Variants in SLC30A8 observed in about 807,000 individuals in gnomAD.
SLC30A8 encodes proton-coupled zinc antiporter SLC30A8.
SLC30A8 carries 27 observed loss-of-function variants against 36.9 expected under a neutral mutation model. That is an observed-to-expected ratio of 0.73 (90% CI 0.54 to 1.01). SLC30A8 has a LOEUF of 1.01. Ranked by LOEUF, SLC30A8 falls within the 50% of genes least tolerant of loss-of-function variation. The probability of loss-of-function intolerance (pLI) is 0.00; values close to 1 mark genes in which losing one functional copy is unlikely to be tolerated. For missense variants in SLC30A8, 439 were observed against 452.0 expected (o/e 0.97, Z 0.26); for synonymous variants, 164 against 172.4 (o/e 0.95, Z 0.38).
At chr8:117,170,973 GTAATT>G in intron 6 of SLC30A8, 56 bp from the exon 7 acceptor site, 1 of 1,444,474 alleles carries the variant, frequency 6.9e-7, no homozygotes, top group Non-Finnish European at 9.3e-7. Flanking sequence ...GCTTGTTTAG[GTAATT>G]CAATGAGCTG....
chr8:117,057,859 C>T (rs924047961), intron 2 of SLC30A8, among the ~76,000 whole-genome samples: 2 of 152,230 alleles, frequency 1.3e-5, no homozygotes, highest in African/African-American at 2.4e-5. Flanking sequence ...ACGGGAGTGC[C>T]GATATCTCTT....
chr8:117,078,467 A>G (rs1563582053), intron 2 of SLC30A8, among the ~76,000 whole-genome samples: 1 of 150,110 alleles, frequency 6.7e-6, no homozygotes, highest in Non-Finnish European at 1.5e-5. Flanking sequence ...TACTTTCTAG[A>G]TTTTTTTTTT....
intron 2 of SLC30A8, among the ~76,000 whole-genome samples, chr8:117,062,673 A>G (rs145208714): frequency 6.6e-6 from 1 of 152,154 alleles, no homozygotes; most frequent in African/African-American, 2.4e-5. Context: ...AGTGGCACAT[A>G]AGTGTGGCCA....
At chr8:117,079,625 A>T (rs994961146) in intron 2 of SLC30A8, among the ~76,000 whole-genome samples, 1 of 152,216 alleles carries the variant, frequency 6.6e-6, no homozygotes, top group Admixed American at 6.5e-5. Context: ...GGGTATAAAG[A>T]TAAGTTGATG....
intron 2 of SLC30A8, among the ~76,000 whole-genome samples, chr8:117,053,973 A>T (rs535198839): frequency 6.6e-6 from 1 of 152,202 alleles, no homozygotes; most frequent in Non-Finnish European, 1.5e-5. Flanking sequence ...CAAGCCTCTG[A>T]ATTGACTCTA....
chr8:117,015,243 C>CA (rs1733650498), intron 1 of SLC30A8, among the ~76,000 whole-genome samples: 1 of 152,020 alleles, frequency 6.6e-6, no homozygotes, highest in African/African-American at 2.4e-5. Flanking sequence ...AGATTTAGGA[C>CA]AAAAAACCAT....
In SLC30A8 at chr8:117,142,737, A is replaced by G. The variant is rs954466349; in HGVS notation, c.72-4217A>G. Among the ~76,000 whole-genome samples the G allele has an allele frequency of 2.0e-5, 3 of 151,140 alleles. No homozygotes were observed. In the South Asian group the frequency reaches 6.2e-4, roughly 31 times the overall value. ...CTCCACAGCGGTGCCTTTCCTTCCCACACAATTTAAGGTAGTTCATCTTCC... is the reference window on the plus strand; with the variant it reads ...CTCCACAGCGGTGCCTTTCCTTCCCGCACAATTTAAGGTAGTTCATCTTCC... On this transcript the variant is annotated intron_variant, in intron 1 of 7. Coordinates refer to ENST00000456015, the MANE Select transcript of SLC30A8 (RefSeq NM_173851.3).
At chr8:116,986,219 T>C (rs770943808) in intron 1 of SLC30A8, among the ~76,000 whole-genome samples, 6 of 151,980 alleles carry the variant, frequency 3.9e-5, no homozygotes, top group Non-Finnish European at 8.8e-5. Context: ...CACCCACACA[T>C]ATATGTGTTC....
At chr8:117,081,206 T>C (rs946296474) in intron 2 of SLC30A8, among the ~76,000 whole-genome samples, 4 of 152,116 alleles carry the variant, frequency 2.6e-5, no homozygotes, top group Admixed American at 2.6e-4. Context: ...TGATAGATGT[T>C]GAGGGCACAG....
At chr8:117,148,976 C>T (rs1255512750) in intron 2 of SLC30A8, among the ~76,000 whole-genome samples, 1 of 152,066 alleles carries the variant, frequency 6.6e-6, no homozygotes, top group Non-Finnish European at 1.5e-5. Context: ...GGATCTTCCT[C>T]ATCCCAGGAC....
intron 2 of SLC30A8, among the ~76,000 whole-genome samples, chr8:117,048,605 C>T (rs188706501): frequency 8.1e-4 from 123 of 152,176 alleles, no homozygotes; most frequent in Non-Finnish European, 1.6e-3. Context: ...ATAAAACAGC[C>T]TCACTTTATT....
chr8:117,088,480 T>C (rs7827401), intron 2 of SLC30A8, among the ~76,000 whole-genome samples: 24,815 of 152,052 alleles, frequency 0.16, 2,121 homozygotes, highest in African/African-American at 0.2. Flanking sequence ...CGAGAGCTGC[T>C]ACTTCGTAAG....
intron 1 of SLC30A8, among the ~76,000 whole-genome samples, chr8:117,023,404 G>A (rs1419787040): frequency 1.3e-5 from 2 of 152,126 alleles, no homozygotes; most frequent in Non-Finnish European, 2.9e-5. Context: ...TCATGCTGCT[G>A]TAAAGACACA....
intron 2 of SLC30A8, among the ~76,000 whole-genome samples, chr8:117,048,672 A>G (rs1345444480): frequency 6.6e-6 from 1 of 152,190 alleles, no homozygotes; most frequent in Middle Eastern, 3.2e-3. Context: ...TATTGTAGAT[A>G]TTTAAACAAA....
chr8:116,975,586 C>A (rs1228051197), intron 1 of SLC30A8, among the ~76,000 whole-genome samples: 2 of 152,144 alleles, frequency 1.3e-5, no homozygotes, highest in South Asian at 4.1e-4. Context: ...AGAGGACAGA[C>A]CACTTTAGAG....
Position 117,001,453 on chromosome 8 carries a change from CT to C in SLC30A8, c.-265-37762del, listed in dbSNP as rs940425310. ...CTCAGTTATATGAGTGAATGCATCT[CT>C]TTTATTGTTTATGCTGTTGGAGTAG... On this transcript the variant is annotated intron_variant, in intron 1 of 10. Transcript: ENST00000427715. Among the ~76,000 whole-genome samples, 50 of 152,182 alleles carry C rather than the reference CT, an allele frequency of 3.3e-4. 1 individual carries two copies. The highest frequency in any genetic ancestry group is 9.6e-4 in the African/African-American group (40 of 41,524).
At chr8:116,992,839 G>A (rs1394684013) in intron 1 of SLC30A8, among the ~76,000 whole-genome samples, 1 of 152,152 alleles carries the variant, frequency 6.6e-6, no homozygotes, top group Non-Finnish European at 1.5e-5. Context: ...CAATGAAAAA[G>A]CTGTAATCCT....
At chr8:117,154,650 G>A (rs990685818) in intron 3 of SLC30A8, among the ~76,000 whole-genome samples, 5 of 152,192 alleles carry the variant, frequency 3.3e-5, no homozygotes, top group African/African-American at 7.2e-5. Context: ...ATCTGAGAAT[G>A]TTTTTGCTGG....
chr8:117,091,981 T>C (rs1460430698), intron 2 of SLC30A8, among the ~76,000 whole-genome samples: 1 of 152,184 alleles, frequency 6.6e-6, no homozygotes, highest in African/African-American at 2.4e-5. Context: ...AATCCCATCA[T>C]GTCTTTTCTT....
Sources: gnomAD v4.1 joint callset for allele counts (sites outside exome capture counted in the v4.1 genomes callset) on GRCh38, gnomAD v4.1.1 for gene constraint, MANE v1.5 for transcripts, NCBI Gene and HGNC (gene_info 2026-07-23, HGNC 2026-07-21) for gene names.